The following GPC5 variants were observed in gnomAD, a reference collection of about 807,000 sequenced individuals.
The protein encoded by GPC5 is glypican 5, also known as glypican-5.
Under a neutral mutation model 53.9 loss-of-function variants are expected in GPC5, and 47 were observed. That is an observed-to-expected ratio of 0.87 (90% CI 0.69 to 1.11). The LOEUF (loss-of-function observed/expected upper bound fraction) is 1.11, where lower values mean the gene tolerates loss of function less well. Ranked by LOEUF, GPC5 falls within the 50% of genes most tolerant of loss-of-function variation. The pLI is 0.00. For missense variants in GPC5, 748 were observed against 713.1 expected (o/e 1.05, Z -0.56); for synonymous variants, 286 against 263.3 (o/e 1.09, Z -0.84).
At chr13:91,569,205 G>A (rs1238781357) in intron 2 of GPC5, among the ~76,000 whole-genome samples, 8 of 152,146 alleles carry the variant, frequency 5.3e-5, no homozygotes, top group Admixed American at 5.2e-4. Flanking sequence ...TTTAGGATAT[G>A]AAAGTGTCAC....
At chr13:92,713,416 C>T (rs1216877216) in intron 7 of GPC5, among the ~76,000 whole-genome samples, 1 of 144,166 alleles carries the variant, frequency 6.9e-6, no homozygotes, top group Non-Finnish European at 1.5e-5. Flanking sequence ...CACAGTGAAA[C>T]TCCGGCTCTA....
intron 2 of GPC5, among the ~76,000 whole-genome samples, chr13:91,635,047 G>A (rs2034252571): frequency 6.6e-6 from 1 of 152,104 alleles, no homozygotes; most frequent in South Asian, 2.1e-4. Flanking sequence ...TTGCAGTAGA[G>A]TAAGACTTGA....
intron 7 of GPC5, among the ~76,000 whole-genome samples, chr13:92,242,359 A>G (rs1368470143): frequency 6.6e-6 from 1 of 152,122 alleles, no homozygotes; most frequent in African/African-American, 2.4e-5. Flanking sequence ...CCATAGTATC[A>G]GTGTCAACAA....
At chr13:92,570,389 T>C (rs1404217342) in intron 7 of GPC5, among the ~76,000 whole-genome samples, 8 of 152,232 alleles carry the variant, frequency 5.3e-5, no homozygotes, top group Non-Finnish European at 1.0e-4. Context: ...TCAATTATGA[T>C]TTGAGATAAT....
At chr13:91,580,582 C>A (rs1206355437) in intron 2 of GPC5, among the ~76,000 whole-genome samples, 2 of 152,126 alleles carry the variant, frequency 1.3e-5, no homozygotes, top group African/African-American at 2.4e-5. Flanking sequence ...ACATCATAAG[C>A]AGGTTTTTAA....
chr13:92,077,569 G>A (rs1370122523), intron 6 of GPC5, among the ~76,000 whole-genome samples: 2 of 152,180 alleles, frequency 1.3e-5, no homozygotes, highest in African/African-American at 4.8e-5. Flanking sequence ...CTGAATGGCA[G>A]ATGAAGGTAT....
chr13:92,367,308 A>G (rs2043614165), intron 7 of GPC5, among the ~76,000 whole-genome samples: 1 of 152,208 alleles, frequency 6.6e-6, no homozygotes, highest in Non-Finnish European at 1.5e-5. Context: ...CATGCAAACA[A>G]TATTTAATTT....
intron 7 of GPC5, among the ~76,000 whole-genome samples, chr13:92,587,779 G>A (rs942389783): frequency 3.9e-5 from 6 of 152,042 alleles, no homozygotes; most frequent in Non-Finnish European, 7.4e-5. Context: ...ACTCCTGGAG[G>A]CAGCCATGCT....
chr13:91,444,258 T>C (rs1880632340), intron 1 of GPC5, among the ~76,000 whole-genome samples: 1 of 152,108 alleles, frequency 6.6e-6, no homozygotes, highest in Non-Finnish European at 1.5e-5. Context: ...ATATCTGAGT[T>C]TTAAAATTCT....
In GPC5 at chr13:92,145,008, C is replaced by A; in HGVS notation, c.1561+19C>A. The A allele has an allele frequency of 7.4e-7, 1 of 1,353,802 alleles. No individual in the cohort carries two copies. Among genetic ancestry groups the A allele is most frequent in the South Asian group, 2.4e-5 (1 of 42,028 alleles). The allele number at this position is 1,353,802 out of a possible 1,614,324, so 83.9% of individuals were successfully genotyped here. Reference sequence around the variant, plus strand: ...ACAGACTGTAAGTGTATGATTCTAACACCACTTTTTTAAAACAATGATTTT... The same window carrying A: ...ACAGACTGTAAGTGTATGATTCTAAAACCACTTTTTTAAAACAATGATTTT... On this transcript the variant is annotated intron_variant, in intron 7 of 7. Transcript: ENST00000377067.
intron 7 of GPC5, among the ~76,000 whole-genome samples, chr13:92,607,817 A>G (rs536937128): frequency 5.6e-4 from 86 of 152,290 alleles, no homozygotes; most frequent in African/African-American, 2.1e-3. Flanking sequence ...TCAAGACTTC[A>G]GTTGACCCTT....
At chr13:91,562,307 G>T (rs949477008) in intron 2 of GPC5, among the ~76,000 whole-genome samples, 1 of 148,492 alleles carries the variant, frequency 6.7e-6, no homozygotes, top group Non-Finnish European at 1.5e-5. Flanking sequence ...ATGTGGAAAA[G>T]AATAAAGTAC....
At position 91,923,996 on chromosome 13, in the gene GPC5, C is replaced by T. The variant is rs148045667; in HGVS notation, c.1401+15939C>T. On this transcript the variant is annotated intron_variant, in intron 6 of 7. Coordinates refer to ENST00000377067, the MANE Select transcript of GPC5 (RefSeq NM_004466.6). ...TTCATTTTTAATTTAATAAGAAAAT[C>T]CTTTCAAAATTTTTAAAAGAATCAC... Among the ~76,000 whole-genome samples, 496 of 152,058 alleles carry T rather than the reference C, an allele frequency of 3.3e-3. 6 individuals are homozygous for T. The highest frequency in any genetic ancestry group is 0.011 in the African/African-American group (463 of 41,516).
chr13:92,822,440 G>T (rs1877706623), intron 7 of GPC5, among the ~76,000 whole-genome samples: 2 of 152,162 alleles, frequency 1.3e-5, no homozygotes, highest in South Asian at 4.2e-4. Context: ...CAGTACCTAA[G>T]TTGTTAAAAT....
At chr13:91,528,279 A>G (rs537640102) in intron 2 of GPC5, among the ~76,000 whole-genome samples, 3 of 152,250 alleles carry the variant, frequency 2.0e-5, no homozygotes, top group African/African-American at 7.2e-5. Context: ...GTCACCTCTT[A>G]AATGCTTTGC....
At chr13:92,865,841 G>T (rs1594559789) in intron 7 of GPC5, among the ~76,000 whole-genome samples, 1 of 152,146 alleles carries the variant, frequency 6.6e-6, no homozygotes, top group Middle Eastern at 3.4e-3. Context: ...TGTAAAATAT[G>T]ATCTGTAGAA....
intron 2 of GPC5, among the ~76,000 whole-genome samples, chr13:91,523,347 T>G (rs1037452676): frequency 6.6e-6 from 1 of 152,194 alleles, no homozygotes; most frequent in African/African-American, 2.4e-5. Flanking sequence ...AACCCAAGTG[T>G]CTGTCAACGG....
intron 7 of GPC5, among the ~76,000 whole-genome samples, chr13:92,351,143 C>T (rs898836633): frequency 5.3e-5 from 8 of 151,710 alleles, no homozygotes; most frequent in Admixed American, 5.2e-4. Context: ...TAATATATTA[C>T]TTATTTTAAA....
intron 5 of GPC5, among the ~76,000 whole-genome samples, chr13:91,879,072 T>C (rs894446977): frequency 1.6e-4 from 25 of 152,244 alleles, no homozygotes; most frequent in Admixed American, 1.6e-3. Context: ...CACAGAGAAC[T>C]TATAACTGAA....
Sources: gnomAD v4.1 joint callset for allele counts (sites outside exome capture counted in the v4.1 genomes callset) on GRCh38, gnomAD v4.1.1 for gene constraint, MANE v1.5 for transcripts, NCBI Gene and HGNC (gene_info 2026-07-23, HGNC 2026-07-21) for gene names.